Variants in EXT1 observed in about 807,000 individuals in gnomAD.
The protein encoded by EXT1 is exostosin glycosyltransferase 1, also known as exostosin-1.
EXT1 carries 20 observed loss-of-function variants against 82.5 expected under a neutral mutation model. The observed-to-expected ratio is 0.24, with a 90% CI of 0.17 to 0.35. EXT1 has a LOEUF of 0.35. EXT1 is among the 10% of genes least tolerant of loss of function. The pLI, the probability that EXT1 is intolerant of heterozygous loss-of-function variation, is 1.00. For synonymous variants in EXT1, 348 were observed against 350.8 expected (o/e 0.99, Z 0.09); for missense variants, 757 against 936.5 (o/e 0.81, Z 2.50).
chr8:118,044,448 C>T (rs973328811), intron 1 of EXT1, among the ~76,000 whole-genome samples: 1 of 151,722 alleles, frequency 6.6e-6, no homozygotes. Flanking sequence ...ACTCTTGTTG[C>T]CCAGGCTGGA....
rs138686140 is a variant in EXT1 at position 117,883,350 on chromosome 8, T to C, written c.963-46149A>G. 1.9e-3 allele frequency among the ~76,000 whole-genome samples: 290 copies of C among 152,366 alleles called. 4 individuals carry two copies. The highest frequency in any genetic ancestry group is 6.8e-3 in the African/African-American group (283 of 41,584). ...TGACATCATCCCCTGGTCAACTTCTTGTAAAACTTCTTTGGCCGCTACACT... is the reference window on the plus strand; with the variant it reads ...TGACATCATCCCCTGGTCAACTTCTCGTAAAACTTCTTTGGCCGCTACACT... On this transcript the variant is annotated intron_variant, in intron 1 of 10. Transcript: ENST00000378204.
chr8:118,071,743 T>C (rs1374300658), intron 1 of EXT1, among the ~76,000 whole-genome samples: 1 of 152,146 alleles, frequency 6.6e-6, no homozygotes, highest in East Asian at 1.9e-4. Context: ...TTAAGACTTA[T>C]CAAGACAGAA....
chr8:117,991,421 C>T (rs1815432746), intron 1 of EXT1, among the ~76,000 whole-genome samples: 1 of 152,116 alleles, frequency 6.6e-6, no homozygotes, highest in Non-Finnish European at 1.5e-5. Context: ...AGGTGGTTCT[C>T]GTGTCCAGCC....
intron 1 of EXT1, among the ~76,000 whole-genome samples, chr8:117,936,931 T>C (rs1814176213): frequency 6.6e-6 from 1 of 152,178 alleles, no homozygotes; most frequent in Non-Finnish European, 1.5e-5. Flanking sequence ...TATGTTGAGT[T>C]GGAATGTCTT....
At chr8:118,031,342 C>A (rs1473695649) in intron 1 of EXT1, among the ~76,000 whole-genome samples, 2 of 152,024 alleles carry the variant, frequency 1.3e-5, no homozygotes, top group South Asian at 2.1e-4. Context: ...CTGGCCAACA[C>A]AGCGAAACCC....
chr8:118,087,137 G>A (rs1817436225), intron 1 of EXT1, among the ~76,000 whole-genome samples: 2 of 152,292 alleles, frequency 1.3e-5, no homozygotes, highest in South Asian at 4.2e-4. Context: ...CTTGGGAACA[G>A]GAGCCCCTAG....
intron 7 of EXT1, among the ~76,000 whole-genome samples, chr8:117,817,370 T>C (rs1294416475): frequency 2.0e-5 from 3 of 152,232 alleles, no homozygotes; most frequent in Non-Finnish European, 2.9e-5. Flanking sequence ...TTTGTCATTC[T>C]GGCGCAAAGG....
At chr8:118,106,493 C>G (rs1049365118) in intron 1 of EXT1, among the ~76,000 whole-genome samples, 2 of 152,106 alleles carry the variant, frequency 1.3e-5, no homozygotes, top group Non-Finnish European at 2.9e-5. Flanking sequence ...CTTGAAGATA[C>G]CAGGATGGTG....
chr8:118,079,673 C>T (rs1281077515), intron 1 of EXT1, among the ~76,000 whole-genome samples: 1 of 150,102 alleles, frequency 6.7e-6, no homozygotes, highest in African/African-American at 2.5e-5. Flanking sequence ...CCCCACCCCA[C>T]CCACTAATTA....
chr8:118,030,240 G>GAAA (rs111388229), intron 1 of EXT1, among the ~76,000 whole-genome samples: 48 of 122,522 alleles, frequency 3.9e-4, no homozygotes, highest in African/African-American at 1.3e-3. Context: ...CCCATACTTA[G>GAAA]AAAAAAAAAA....
chr8:117,951,009 A>C (rs1169468345), intron 1 of EXT1, among the ~76,000 whole-genome samples: 1 of 152,240 alleles, frequency 6.6e-6, no homozygotes, highest in Non-Finnish European at 1.5e-5. Flanking sequence ...AAATAAGATA[A>C]GGATTAAATC....
chr8:118,015,116 T>C (rs1367522475), intron 1 of EXT1, among the ~76,000 whole-genome samples: 2 of 152,204 alleles, frequency 1.3e-5, no homozygotes, highest in African/African-American at 4.8e-5. Context: ...CAGATTAATC[T>C]AAAATGAATT....
intron 8 of EXT1, 151 bp from the exon 9 acceptor site, chr8:117,807,528 C>T: frequency 1.1e-6 from 1 of 870,646 alleles, no homozygotes; most frequent in East Asian, 2.7e-5. Context: ...AAACTGACTG[C>T]TTGACATTTT....
At chr8:117,941,625 T>A (rs1359585396) in intron 1 of EXT1, among the ~76,000 whole-genome samples, 2 of 152,214 alleles carry the variant, frequency 1.3e-5, no homozygotes, top group Non-Finnish European at 2.9e-5. Flanking sequence ...CCAAACCACA[T>A]CCAGCCTTCT....
intron 1 of EXT1, among the ~76,000 whole-genome samples, chr8:118,041,288 C>T (rs2129902643): frequency 6.6e-6 from 1 of 152,198 alleles, no homozygotes; most frequent in Non-Finnish European, 1.5e-5. Context: ...CTTTGAAACC[C>T]TACAGTCTTC....
rs1823080509 is a variant in EXT1, at chr8:117,795,733, G to C, written c.*3979C>G. The C allele has an allele frequency of 6.6e-6, 1 of 152,032 alleles. No individual in the cohort carries two copies. Among genetic ancestry groups the C allele is most frequent in the South Asian group, 2.1e-4 (1 of 4,810 alleles). The allele number at this position is 152,032 out of a possible 1,614,324, so 9.4% of individuals were successfully genotyped here. A position where few individuals can be genotyped will look rare whatever the true frequency, so the allele number is the denominator to read the frequency against. ...AATTGCTTGAACCGGGGAGGCGGAG[G>C]TTGCAGTGACTGAGCTGAGATCACA... On this transcript the variant is annotated 3_prime_UTR_variant, in exon 11 of 11. Transcript: ENST00000378204.
chr8:118,056,399 T>C (rs1816794624), intron 1 of EXT1, among the ~76,000 whole-genome samples: 1 of 152,218 alleles, frequency 6.6e-6, no homozygotes, highest in African/African-American at 2.4e-5. Flanking sequence ...TGATTACTCA[T>C]TCATCAGAGA....
chr8:117,884,859 T>C (rs937306482), intron 1 of EXT1, among the ~76,000 whole-genome samples: 2 of 152,224 alleles, frequency 1.3e-5, no homozygotes, highest in Non-Finnish European at 2.9e-5. Flanking sequence ...CAGCTTTCTG[T>C]AGCAGCAACC....
chr8:118,110,812 G>C lies in EXT1; in HGVS notation c.235C>G (p.His79Asp). The change falls in exon 1 of 11, where the codon CAC becomes GAC. Residue 79 changes from histidine to aspartate, a missense_variant. His to Asp is a moderately conservative substitution (Grantham distance 81). Around this residue, in one of 4 missense-constraint regions of EXT1, gnomAD observed 175 missense variants for 159.0 expected, o/e 1.10. Coordinates refer to ENST00000378204, the MANE Select transcript of EXT1 (RefSeq NM_000127.3). Reference sequence around the variant, plus strand: ...TCTCGCTTCTGCCGGGGGGAAATGTGCACGCTGGAATCCTCGTTTTCCAAT... The same window carrying C: ...TCTCGCTTCTGCCGGGGGGAAATGTCCACGCTGGAATCCTCGTTTTCCAAT... The part of the protein sequence containing the change: ...DQLENEDSSV[H>D]ISPRQKRDAN... The C allele has an allele frequency of 6.2e-7, 1 of 1,613,294 alleles. No individual in the cohort carries two copies. Among genetic ancestry groups the C allele is most frequent in the Non-Finnish European group, 8.5e-7 (1 of 1,179,406 alleles).
Sources: gnomAD v4.1 joint callset for allele counts (sites outside exome capture counted in the v4.1 genomes callset) on GRCh38, gnomAD v4.1.1 for gene constraint, gnomAD v4.1.1 regional missense constraint, MANE v1.5 for transcripts, NCBI Gene and HGNC (gene_info 2026-07-23, HGNC 2026-07-21) for gene names.